PMVK: variants seen among roughly 807,000 people sequenced by gnomAD.
PMVK encodes the protein phosphomevalonate kinase.
PMVK carries 10 observed loss-of-function variants against 19.0 expected under a neutral mutation model. That is an observed-to-expected ratio of 0.53 (90% CI 0.32 to 0.89). The LOEUF is 0.89. Ranked by LOEUF, PMVK falls within the 40% of genes least tolerant of loss-of-function variation. PMVK has a pLI of 0.03. For synonymous variants in PMVK, 108 were observed against 101.6 expected, an observed-to-expected ratio of 1.06 and a Z score of -0.38; for missense variants, 222 against 251.1, an observed-to-expected ratio of 0.88 and a Z score of 0.78.
chr1:154,941,681 A>G (rs1654643282), upstream of PMVK, among the ~76,000 whole-genome samples: 1 of 152,146 alleles, frequency 6.6e-6, no homozygotes, highest in Non-Finnish European at 1.5e-5. Flanking sequence ...GACCTTCCAG[A>G]AGCCAATAGG....
intron 3 of PMVK, among the ~76,000 whole-genome samples, chr1:154,926,689 T>C (rs1188990930): frequency 6.6e-6 from 1 of 152,196 alleles, no homozygotes; most frequent in Non-Finnish European, 1.5e-5. Context: ...CAGGCAGTGC[T>C]GCTGACAAGT....
At position 154,929,021 on chromosome 1, in the gene PMVK, T is replaced by C. The variant is rs1305787888; in HGVS notation, c.312+3A>G. 6 of 1,613,654 alleles carry C rather than the reference T, an allele frequency of 3.7e-6. No homozygotes were observed. The Admixed American group carries it at 6.7e-5, about 18-fold the overall frequency. ...TCTTCATGCTGCCATGGAGCCCTCT[T>C]ACCCAGATGGGCTGGGAGATGCCCT... On this transcript the variant is annotated splice_donor_region_variant and intron_variant, in intron 3 of 4. Coordinates refer to ENST00000368467, the MANE Select transcript of PMVK (RefSeq NM_006556.4).
In PMVK at chr1:154,925,058, A is replaced by C; in HGVS notation, c.*71T>G. On this transcript the variant is annotated 3_prime_UTR_variant, in exon 5 of 5. Coordinates refer to ENST00000368467, the MANE Select transcript of PMVK (RefSeq NM_006556.4). ...TCCTCACCTCGGCCAGGATCGGGGGACACCCCCATTTTGCAGAGTCAGCCC... is the reference window on the plus strand; with the variant it reads ...TCCTCACCTCGGCCAGGATCGGGGGCCACCCCCATTTTGCAGAGTCAGCCC... 1.1e-4 allele frequency: 111 copies of C among 1,027,154 alleles called. No individual in the cohort carries two copies. The highest frequency in any genetic ancestry group is 1.3e-4 in the Non-Finnish European group (103 of 764,508). The allele number at this position is 1,027,154 out of a possible 1,614,324, so 63.6% of individuals were successfully genotyped here.
chr1:154,929,566 A>G (rs1654273760), intron 2 of PMVK, among the ~76,000 whole-genome samples: 1 of 151,750 alleles, frequency 6.6e-6, no homozygotes, highest in African/African-American at 2.4e-5. Context: ...AAAATCCTGC[A>G]CTCCATGTCC....
At chr1:154,934,996 A>G (rs1165236869) in intron 1 of PMVK, among the ~76,000 whole-genome samples, 1 of 133,160 alleles carries the variant, frequency 7.5e-6, no homozygotes, top group East Asian at 2.6e-4. Context: ...CAGGAGACAG[A>G]GGTTGCGGTG....
chr1:154,925,186 T>A lies in PMVK; in HGVS notation c.522A>T (p.Glu174Asp). Residue 174 changes from glutamate (E) to aspartate (D), a missense_variant, in exon 5 of 5, where the codon GAA becomes GAT. Physicochemically the swap from Glu to Asp is conservative, Grantham distance 45 (BLOSUM62 2). Transcript: ENST00000368467. ...TCTCCAACTGCTCCTCCAGGCGCTG[T>A]TCAACTCCATGGTTCTCGATGACCC... ...FDWVIENHGV[E>D]QRLEEQLENL... 1 of 1,613,898 alleles carries A rather than the reference T, an allele frequency of 6.2e-7. No homozygotes were observed. The highest frequency in any genetic ancestry group is 8.5e-7 in the Non-Finnish European group (1 of 1,179,936).
In PMVK at chr1:154,932,337, CA is replaced by C. The variant is rs1654361131; in HGVS notation, c.159+14del. The C allele has an allele frequency of 6.2e-7, 1 of 1,607,132 alleles. No individual in the cohort carries two copies. The highest frequency in any genetic ancestry group is 1.3e-5 in the African/African-American group (1 of 74,658). On this transcript the variant is annotated intron_variant, in intron 2 of 4. Coordinates refer to ENST00000368467, the MANE Select transcript of PMVK (RefSeq NM_006556.4). ...GCCCCGCCCAACACACCGGATGCCACAAAGCACCACCTACCTGAGCATACTG... is the reference window on the plus strand; with the variant it reads ...GCCCCGCCCAACACACCGGATGCCACAAGCACCACCTACCTGAGCATACTG...
intron 2 of PMVK, 72 bp downstream of exon 2, chr1:154,932,280 G>T: frequency 9.2e-7 from 1 of 1,086,894 alleles, no homozygotes; most frequent in Non-Finnish European, 1.4e-6. Flanking sequence ...AGTGACTCAG[G>T]CAGCAGCCAC....
At chr1:154,936,138 A>T (rs1571386530) in intron 1 of PMVK, among the ~76,000 whole-genome samples, 1 of 152,154 alleles carries the variant, frequency 6.6e-6, no homozygotes, top group Admixed American at 6.6e-5. Flanking sequence ...GCTGGAGTGC[A>T]GTGGCCAATC....
intron 3 of PMVK, 140 bp downstream of exon 3, chr1:154,928,884 G>C (rs998616180): frequency 2.7e-6 from 2 of 742,360 alleles, no homozygotes; most frequent in African/African-American, 3.5e-5. Context: ...CTAGAGACCA[G>C]TGTGGAGGCT....
At chr1:154,933,639 G>C (rs1450074960) in intron 1 of PMVK, among the ~76,000 whole-genome samples, 2 of 148,064 alleles carry the variant, frequency 1.4e-5, no homozygotes, top group East Asian at 2.1e-4. Context: ...GATTACAGGC[G>C]CCCGCCACTA....
chr1:154,932,300 G>T (rs1654359257), intron 2 of PMVK, 52 bp downstream of exon 2: 2 of 1,324,874 alleles, frequency 1.5e-6, no homozygotes, highest in South Asian at 2.4e-5. Context: ...CAGCTCCAAA[G>T]TCCTGGAGCC....
At chr1:154,933,843 G>C (rs976748352) in intron 1 of PMVK, among the ~76,000 whole-genome samples, 2 of 151,984 alleles carry the variant, frequency 1.3e-5, no homozygotes, top group Non-Finnish European at 2.9e-5. Context: ...GTCCAGGCTG[G>C]AGTACAGTGG....
At chr1:154,941,751 G>A in the PMVK span, among the ~76,000 whole-genome samples, 1 of 152,200 alleles carries the variant, frequency 6.6e-6, no homozygotes, top group South Asian at 2.1e-4. Flanking sequence ...CACCCCATCT[G>A]TCTCCACCAC....
At chr1:154,936,535 C>T in intron 1 of PMVK, 56 bp downstream of exon 1, 1 of 1,552,934 alleles carries the variant, frequency 6.4e-7, no homozygotes, top group Non-Finnish European at 8.7e-7. Flanking sequence ...AAAAGCACTC[C>T]TCGTGTCACG....
At chr1:154,929,999 G>C (rs989715996) in intron 2 of PMVK, among the ~76,000 whole-genome samples, 1 of 152,200 alleles carries the variant, frequency 6.6e-6, no homozygotes, top group Non-Finnish European at 1.5e-5. Flanking sequence ...CCCTCCAGGA[G>C]CGTTGTGGTC....
chr1:154,925,287 G>A, intron 4 of PMVK, 22 bp from the exon 5 acceptor site: 2 of 1,613,810 alleles, frequency 1.2e-6, no homozygotes, highest in East Asian at 4.5e-5. Flanking sequence ...GCATGGTGAG[G>A]TCAGGCCTCA....
chr1:154,929,296 A>C (rs1312861805), intron 2 of PMVK, 120 bp from the exon 3 acceptor site: 2 of 882,706 alleles, frequency 2.3e-6, no homozygotes, highest in Non-Finnish European at 3.5e-6. Flanking sequence ...GCAAGGATTA[A>C]TGAGGTTTCA....
the PMVK span, among the ~76,000 whole-genome samples, chr1:154,942,122 CA>C: frequency 1.3e-5 from 2 of 152,232 alleles, no homozygotes; most frequent in Non-Finnish European, 2.9e-5. Flanking sequence ...GCTCAGCTCT[CA>C]GGGAAGCAGG....
Sources: allele counts gnomAD v4.1 joint callset (sites outside exome capture counted in the v4.1 genomes callset), GRCh38; gene constraint gnomAD v4.1.1; transcripts MANE v1.5; gene names NCBI Gene and HGNC (gene_info 2026-07-23, HGNC 2026-07-21).